The following MARCHF3 variants were observed in gnomAD, a reference collection of about 807,000 sequenced individuals.
MARCHF3 encodes the protein E3 ubiquitin-protein ligase MARCHF3.
Under a neutral mutation model 24.2 loss-of-function variants are expected in MARCHF3, and 13 were observed. The observed-to-expected ratio is 0.54, with a 90% CI of 0.35 to 0.85. MARCHF3 has a LOEUF of 0.85. MARCHF3 is among the 40% of genes least tolerant of loss of function. MARCHF3 has a pLI of 0.01. For missense variants in MARCHF3, 276 were observed against 325.0 expected, an observed-to-expected ratio of 0.85 and a Z score of 1.16; for synonymous variants, 144 against 137.3, an observed-to-expected ratio of 1.05 and a Z score of -0.34.
chr5:127,009,644 T>C (rs1031262087), intron 1 of MARCHF3, among the ~76,000 whole-genome samples: 1 of 152,192 alleles, frequency 6.6e-6, no homozygotes, highest in Non-Finnish European at 1.5e-5. Flanking sequence ...ATTTCCCCTC[T>C]TTATTTTACC....
intron 3 of MARCHF3, among the ~76,000 whole-genome samples, chr5:126,892,750 CT>C (rs1001157829): frequency 6.7e-6 from 1 of 149,426 alleles, no homozygotes; most frequent in Non-Finnish European, 1.5e-5. Flanking sequence ...CTAAAATTCT[CT>C]TTTTTTGTTA....
At chr5:126,946,569 G>C (rs1260238712) in intron 1 of MARCHF3, among the ~76,000 whole-genome samples, 2 of 152,034 alleles carry the variant, frequency 1.3e-5, no homozygotes, top group Non-Finnish European at 2.9e-5. Context: ...CTGGGGGCTG[G>C]GAGAAGGGGT....
chr5:126,912,542 A>G (rs1276145195), intron 3 of MARCHF3, among the ~76,000 whole-genome samples: 2 of 152,208 alleles, frequency 1.3e-5, no homozygotes, highest in African/African-American at 4.8e-5. Flanking sequence ...ACTAATCTTA[A>G]TCCTTAACCC....
At chr5:126,908,553 T>C (rs535669591) in intron 3 of MARCHF3, among the ~76,000 whole-genome samples, 57 of 152,288 alleles carry the variant, frequency 3.7e-4, no homozygotes, top group African/African-American at 1.2e-3. Context: ...CTTCCCTTCT[T>C]GCTTCATTTC....
intron 1 of MARCHF3, among the ~76,000 whole-genome samples, chr5:126,934,913 G>A (rs1289727770): frequency 6.6e-6 from 1 of 152,088 alleles, no homozygotes; most frequent in Non-Finnish European, 1.5e-5. Flanking sequence ...GGTGGGAGCT[G>A]TGTTTCTGCC....
intron 1 of MARCHF3, among the ~76,000 whole-genome samples, chr5:126,978,968 G>C (rs1424300891): frequency 6.6e-6 from 1 of 152,186 alleles, no homozygotes; most frequent in Non-Finnish European, 1.5e-5. Flanking sequence ...CTTGGATTTA[G>C]AAGTCTGATG....
rs554864876 is a variant in MARCHF3, at chr5:126,868,299, C to T, written c.*2334G>A. 6.6e-6 allele frequency: 1 copy of T among 152,208 alleles called. No homozygotes were observed. Among genetic ancestry groups the T allele is most frequent in the Non-Finnish European group, 1.5e-5 (1 of 68,052 alleles). The allele number at this position is 152,208 out of a possible 1,614,324, so 9.4% of individuals were successfully genotyped here. ...CTGATGCTGATGGAGATCAGAGCCT[C>T]TCACAAGGAGGTCCCAAGCTGGTGA... On this transcript the variant is annotated 3_prime_UTR_variant, in exon 5 of 5. Coordinates refer to ENST00000308660, the MANE Select transcript of MARCHF3 (RefSeq NM_178450.5).
intron 3 of MARCHF3, among the ~76,000 whole-genome samples, chr5:126,890,012 G>C (rs924622157): frequency 6.6e-6 from 1 of 152,060 alleles, no homozygotes; most frequent in Non-Finnish European, 1.5e-5. Context: ...ATCTAGATTA[G>C]TAGCATCCTC....
intron 1 of MARCHF3, among the ~76,000 whole-genome samples, chr5:126,929,957 G>A (rs1749427536): frequency 6.6e-6 from 1 of 152,118 alleles, no homozygotes; most frequent in African/African-American, 2.4e-5. Context: ...ATGATTGTGA[G>A]GCCTCCCCAG....
At chr5:126,961,638 G>C (rs530000977) in intron 1 of MARCHF3, among the ~76,000 whole-genome samples, 1 of 152,038 alleles carries the variant, frequency 6.6e-6, no homozygotes, top group Admixed American at 6.6e-5. Context: ...TAATTCCATC[G>C]CAATGTAGTC....
chr5:126,913,460 T>G (rs1754609071), intron 3 of MARCHF3, among the ~76,000 whole-genome samples: 1 of 152,232 alleles, frequency 6.6e-6, no homozygotes, highest in Non-Finnish European at 1.5e-5. Flanking sequence ...TATTTGCCCC[T>G]CTACAGTTAA....
intron 1 of MARCHF3, among the ~76,000 whole-genome samples, chr5:127,007,274 T>A (rs1447549962): frequency 6.6e-6 from 1 of 152,020 alleles, no homozygotes; most frequent in East Asian, 1.9e-4. Context: ...CAACATATTA[T>A]CTTGTCTTGC....
At chr5:126,962,924 T>C (rs2126823700) in intron 1 of MARCHF3, among the ~76,000 whole-genome samples, 1 of 152,120 alleles carries the variant, frequency 6.6e-6, no homozygotes, top group South Asian at 2.1e-4. Flanking sequence ...TGCTGTAACC[T>C]GTTATCGACT....
intron 1 of MARCHF3, among the ~76,000 whole-genome samples, chr5:126,923,519 C>A (rs150650950): frequency 2.0e-5 from 3 of 152,190 alleles, no homozygotes; most frequent in Non-Finnish European, 4.4e-5. Context: ...GCCTGGACAG[C>A]GGTCTAAGCA....
intron 2 of MARCHF3, among the ~76,000 whole-genome samples, chr5:126,916,692 G>GACAGACAGACACACAC (rs750408549): frequency 1.1e-4 from 15 of 130,480 alleles, no homozygotes; most frequent in African/African-American, 4.2e-4. Context: ...CAGACAGACA[G>GACAGACAGACACACAC]ACACACACAC....
At chr5:127,028,713 T>A (rs187557527) in intron 1 of MARCHF3, among the ~76,000 whole-genome samples, 1 of 152,252 alleles carries the variant, frequency 6.6e-6, no homozygotes, top group East Asian at 1.9e-4. Context: ...TGGAGGGATT[T>A]TTTTTTCTCT....
Position 127,010,757 on chromosome 5 carries a change from T to C in MARCHF3, c.-57+19593A>G, listed in dbSNP as rs112683298. On this transcript the variant is annotated intron_variant, in intron 1 of 4. Coordinates refer to ENST00000308660, the MANE Select transcript of MARCHF3 (RefSeq NM_178450.5). ...TAAAAAGGTAGGAAATTCTGACATA[T>C]ACTAAAACATGAGTAAACCTTCAGG... 4.3e-3 allele frequency among the ~76,000 whole-genome samples: 648 copies of C among 152,312 alleles called. 8 individuals are homozygous for C. Among genetic ancestry groups the C allele is most frequent in the African/African-American group, 0.015 (603 of 41,564 alleles).
At chr5:127,025,106 T>C (rs991964719) in intron 1 of MARCHF3, among the ~76,000 whole-genome samples, 5 of 152,218 alleles carry the variant, frequency 3.3e-5, no homozygotes, top group Admixed American at 1.3e-4. Context: ...AGAAGTAACA[T>C]TGTGCAGAGA....
At chr5:126,935,375 T>A (rs1749609535) in intron 1 of MARCHF3, among the ~76,000 whole-genome samples, 1 of 152,102 alleles carries the variant, frequency 6.6e-6, no homozygotes, top group African/African-American at 2.4e-5. Flanking sequence ...GCCTTTCAGC[T>A]GGGACATCAG....
Sources: allele counts gnomAD v4.1 joint callset (sites outside exome capture counted in the v4.1 genomes callset), GRCh38; gene constraint gnomAD v4.1.1; transcripts MANE v1.5; gene names NCBI Gene and HGNC (gene_info 2026-07-23, HGNC 2026-07-21).